The following STK32B variants were observed in gnomAD, a reference collection of about 807,000 sequenced individuals.
STK32B encodes the protein serine/threonine-protein kinase 32B.
STK32B carries 43 observed loss-of-function variants against 52.6 expected under a neutral mutation model. The ratio of observed to expected loss-of-function variants is 0.82; its 90% CI spans 0.64 to 1.05. The LOEUF (loss-of-function observed/expected upper bound fraction) is 1.05, where lower values mean the gene tolerates loss of function less well. Among genes scored for constraint, STK32B ranks in the 50% least tolerant of loss-of-function variants. STK32B has a pLI of 0.00. For missense variants in STK32B, 621 were observed against 534.6 expected, an observed-to-expected ratio of 1.16 and a Z score of -1.59; for synonymous variants, 238 against 204.3, an observed-to-expected ratio of 1.17 and a Z score of -1.41.
intron 1 of STK32B, among the ~76,000 whole-genome samples, chr4:5,091,151 A>G (rs147091277): frequency 1.8e-4 from 28 of 152,180 alleles, no homozygotes; most frequent in African/African-American, 5.8e-4. Context: ...TCAATGCCAG[A>G]TTTCACCTTG....
In STK32B at chr4:5,095,815, G is replaced by A. The variant is rs142643743; in HGVS notation, c.52+43900G>A. Among the ~76,000 whole-genome samples the A allele has an allele frequency of 5.4e-4, 82 of 152,264 alleles. No individual in the cohort carries two copies. The East Asian group carries it at 0.011, about 20-fold the overall frequency. The stretch of plus-strand genomic sequence containing the variant: ...ATGGCCCACAATGAGCAACATACGC[G>A]ATGTGTTTCAGTATCCAATGCCAAT... On this transcript the variant is annotated intron_variant, in intron 1 of 11. Coordinates refer to ENST00000282908, the MANE Select transcript of STK32B (RefSeq NM_018401.3).
In STK32B at chr4:5,212,440, G is replaced by C. The variant is rs78494793; in HGVS notation, c.260+43990G>C. On this transcript the variant is annotated intron_variant, in intron 3 of 11. Coordinates refer to ENST00000282908, the MANE Select transcript of STK32B (RefSeq NM_018401.3). ...AAAGAGCTCTCAAAATGTAAGTCAT[G>C]ACTTTCTGCACTGAGGTGACTATGT... 1.9e-3 allele frequency among the ~76,000 whole-genome samples: 284 copies of C among 152,284 alleles called. 5 individuals are homozygous for C. In the East Asian group the frequency reaches 0.049, roughly 26 times the overall value.
At chr4:5,271,083 G>T (rs2108856871) in intron 3 of STK32B, among the ~76,000 whole-genome samples, 1 of 152,108 alleles carries the variant, frequency 6.6e-6, no homozygotes, top group African/African-American at 2.4e-5. Context: ...GACTGCAGGT[G>T]CATGCCACCA....
intron 1 of STK32B, among the ~76,000 whole-genome samples, chr4:5,125,512 G>A (rs142456416): frequency 6.8e-4 from 104 of 152,290 alleles, no homozygotes; most frequent in Admixed American, 2.4e-3. Context: ...CCTGGTGTGG[G>A]TGGGCGTGGT....
At chr4:5,415,032 C>T (rs1243050732) in intron 5 of STK32B, among the ~76,000 whole-genome samples, 1 of 152,192 alleles carries the variant, frequency 6.6e-6, no homozygotes, top group Non-Finnish European at 1.5e-5. Context: ...ACAACATACA[C>T]TCACCTTCAC....
rs1361153451 is a variant in STK32B at position 5,247,108 on chromosome 4, A to G, written c.260+78658A>G. On this transcript the variant is annotated intron_variant, in intron 3 of 11. Transcript: ENST00000282908. ...ACTACTCTCTTCAAAGCTGTCAGAC[A>G]GGGACATTTAAGACTGCAGAGGTTA... is the stretch of plus-strand genomic sequence containing the variant. Among the ~76,000 whole-genome samples the G allele has an allele frequency of 3.3e-5, 5 of 152,338 alleles. No individual in the cohort carries two copies. The East Asian group carries it at 7.7e-4, about 24-fold the overall frequency.
chr4:5,120,055 T>A (rs1424082683), intron 1 of STK32B, among the ~76,000 whole-genome samples: 1 of 152,218 alleles, frequency 6.6e-6, no homozygotes, highest in African/African-American at 2.4e-5. Flanking sequence ...TTAAATTGCA[T>A]GCCCTTCTTC....
chr4:5,107,983 A>C (rs1269772122), intron 1 of STK32B, among the ~76,000 whole-genome samples: 1 of 152,208 alleles, frequency 6.6e-6, no homozygotes, highest in Non-Finnish European at 1.5e-5. Flanking sequence ...ACACACCTTT[A>C]TAATCACCAC....
intron 3 of STK32B, among the ~76,000 whole-genome samples, chr4:5,316,701 T>A (rs927883541): frequency 0.56 from 117 of 208 alleles, 19 homozygotes; most frequent in African/African-American, 1. Context: ...TATATCATAT[T>A]ATAATATATA....
At chr4:5,112,680 G>T (rs983725606) in intron 1 of STK32B, among the ~76,000 whole-genome samples, 1 of 152,136 alleles carries the variant, frequency 6.6e-6, no homozygotes. Flanking sequence ...ACCCCATGTC[G>T]CAGTCAAATG....
chr4:5,274,187 T>A (rs1560278392), intron 3 of STK32B, among the ~76,000 whole-genome samples: 5 of 152,152 alleles, frequency 3.3e-5, no homozygotes, highest in Admixed American at 3.3e-4. Context: ...AAAACAACTT[T>A]AAAAAGTGAA....
chr4:5,326,829 A>C (rs915996258), intron 3 of STK32B, among the ~76,000 whole-genome samples: 2 of 152,190 alleles, frequency 1.3e-5, no homozygotes, highest in Non-Finnish European at 2.9e-5. Flanking sequence ...GCTTTCCACG[A>C]TGATGGAGTC....
intron 1 of STK32B, among the ~76,000 whole-genome samples, chr4:5,097,847 A>G (rs554858517): frequency 4.7e-4 from 71 of 152,330 alleles, no homozygotes; most frequent in African/African-American, 1.6e-3. Flanking sequence ...TAAAACAATA[A>G]CCTTTTAACA....
intron 4 of STK32B, among the ~76,000 whole-genome samples, chr4:5,341,966 G>A (rs540552097): frequency 2.0e-5 from 3 of 152,026 alleles, no homozygotes; most frequent in Non-Finnish European, 4.4e-5. Context: ...ATTTACATTA[G>A]GTATTTCTCC....
At chr4:5,418,896 A>C (rs900234538) in intron 6 of STK32B, among the ~76,000 whole-genome samples, 1 of 152,226 alleles carries the variant, frequency 6.6e-6, no homozygotes, top group African/African-American at 2.4e-5. Flanking sequence ...TAGTTTGGAC[A>C]TGGTGGAGGG....
intron 3 of STK32B, among the ~76,000 whole-genome samples, chr4:5,269,990 A>G (rs959678488): frequency 6.6e-6 from 1 of 152,186 alleles, no homozygotes; most frequent in Admixed American, 6.5e-5. Context: ...TATATATACA[A>G]ACTGAAAGAG....
chr4:5,084,017 G>C (rs1271273333), intron 1 of STK32B, among the ~76,000 whole-genome samples: 3 of 152,186 alleles, frequency 2.0e-5, no homozygotes, highest in Admixed American at 1.3e-4. Context: ...GATTGCAGGC[G>C]TGAGCCACCA....
intron 1 of STK32B, among the ~76,000 whole-genome samples, chr4:5,080,895 C>T (rs1213100450): frequency 6.6e-6 from 1 of 152,120 alleles, no homozygotes; most frequent in African/African-American, 2.4e-5. Flanking sequence ...ATTAGGTCTC[C>T]AGAACGATTT....
intron 3 of STK32B, among the ~76,000 whole-genome samples, chr4:5,174,481 T>C (rs946338881): frequency 2.6e-5 from 4 of 152,240 alleles, no homozygotes; most frequent in Non-Finnish European, 5.9e-5. Flanking sequence ...TCAGGAGCTC[T>C]TTTAGGGCAG....
Sources: allele counts gnomAD v4.1 joint callset (sites outside exome capture counted in the v4.1 genomes callset), GRCh38; gene constraint gnomAD v4.1.1; transcripts MANE v1.5; gene names NCBI Gene and HGNC (gene_info 2026-07-23, HGNC 2026-07-21).